BRINP2: variants seen among roughly 807,000 people sequenced by gnomAD.
BRINP2 encodes the protein BMP/retinoic acid inducible neural specific 2, also known as BMP/retinoic acid-inducible neural-specific protein 2.
Under a neutral mutation model 69.2 loss-of-function variants are expected in BRINP2, and 21 were observed. The ratio of observed to expected loss-of-function variants is 0.30; its 90% CI spans 0.22 to 0.44. The LOEUF is 0.44. Among genes scored for constraint, BRINP2 ranks in the 20% least tolerant of loss-of-function variants. The probability of loss-of-function intolerance (pLI) is 1.00; values close to 1 mark genes in which losing one functional copy is unlikely to be tolerated. For synonymous variants in BRINP2, 380 were observed against 394.1 expected, an observed-to-expected ratio of 0.96 and a Z score of 0.42; for missense variants, 877 against 986.0, an observed-to-expected ratio of 0.89 and a Z score of 1.48.
chr1:177,173,398 AAGTGTTTGACAGCTGGGCTGC>A, intron 1 of BRINP2, among the ~76,000 whole-genome samples: 1 of 152,322 alleles, frequency 6.6e-6, no homozygotes, highest in African/African-American at 2.4e-5. Flanking sequence ...GCTGGCGCCA[AAGTGTTTGACAGCTGGGCTGC>A]AGCCATGGAG....
At chr1:177,276,537 TC>T in intron 6 of BRINP2, 103 bp downstream of exon 6, 1 of 1,040,146 alleles carries the variant, frequency 9.6e-7, no homozygotes, top group Non-Finnish European at 1.4e-6. Context: ...CTCATGGGGA[TC>T]CTGACATGAC....
intron 1 of BRINP2, among the ~76,000 whole-genome samples, chr1:177,180,410 C>T (rs1476266509): frequency 6.6e-6 from 1 of 152,090 alleles, no homozygotes; most frequent in Non-Finnish European, 1.5e-5. Context: ...AGCCTCAGTA[C>T]CCCCACCTAG....
intron 4 of BRINP2, among the ~76,000 whole-genome samples, chr1:177,268,572 T>C (rs1356866386): frequency 1.3e-5 from 2 of 152,214 alleles, no homozygotes; most frequent in African/African-American, 2.4e-5. Flanking sequence ...ATTTAATGTA[T>C]TCCTTAAGAC....
intron 1 of BRINP2, among the ~76,000 whole-genome samples, chr1:177,209,761 A>G (rs1649173324): frequency 6.6e-6 from 1 of 152,214 alleles, no homozygotes; most frequent in Non-Finnish European, 1.5e-5. Flanking sequence ...AGATAACAAA[A>G]AAAAAGAAAA....
At position 177,171,059 on chromosome 1, in the gene BRINP2, C is replaced by T. The variant is rs751668874; in HGVS notation, c.-750C>T. 1.3e-5 allele frequency among the ~76,000 whole-genome samples: 2 copies of T among 152,242 alleles called. No individual in the cohort carries two copies. Among genetic ancestry groups the T allele is most frequent in the Admixed American group, 1.3e-4 (2 of 15,288 alleles). ...CAATCCGCCTGCCTCGCAAGCTGCT[C>T]GCCGCTGCGCTGGCAGCGCTTACGC... On this transcript the variant is annotated 5_prime_UTR_variant, in exon 1 of 8. Transcript: ENST00000361539.
chr1:177,177,857 T>A (rs1269396350), intron 1 of BRINP2, among the ~76,000 whole-genome samples: 1 of 152,176 alleles, frequency 6.6e-6, no homozygotes, highest in Non-Finnish European at 1.5e-5. Flanking sequence ...TTAACACTCT[T>A]TCTTACTAAA....
intron 1 of BRINP2, among the ~76,000 whole-genome samples, chr1:177,196,066 C>G (rs1215010144): frequency 6.6e-6 from 1 of 152,182 alleles, no homozygotes; most frequent in Non-Finnish European, 1.5e-5. Context: ...GCTAATTTCT[C>G]TATTTACCCC....
At chr1:177,226,313 A>T (rs1649688745) in intron 1 of BRINP2, among the ~76,000 whole-genome samples, 2 of 152,204 alleles carry the variant, frequency 1.3e-5, no homozygotes, top group Non-Finnish European at 2.9e-5. Context: ...TTTGAAAACC[A>T]CTTATGGTCT....
chr1:177,205,849 AG>A (rs1406288673), intron 1 of BRINP2, among the ~76,000 whole-genome samples: 1 of 152,230 alleles, frequency 6.6e-6, no homozygotes, highest in African/African-American at 2.4e-5. Flanking sequence ...CTAGGCTTCA[AG>A]ATGGCCTTCA....
At chr1:177,254,262 G>T (rs1228169096) in intron 2 of BRINP2, among the ~76,000 whole-genome samples, 2 of 151,934 alleles carry the variant, frequency 1.3e-5, no homozygotes, top group African/African-American at 4.8e-5. Context: ...TGCACTGAAG[G>T]TACAAAATAA....
At chr1:177,246,848 T>C (rs1043863541) in intron 2 of BRINP2, among the ~76,000 whole-genome samples, 3 of 152,238 alleles carry the variant, frequency 2.0e-5, no homozygotes, top group East Asian at 1.9e-4. Context: ...AAGTCTCTAA[T>C]AGCCAAGTAC....
intron 1 of BRINP2, among the ~76,000 whole-genome samples, chr1:177,196,429 C>T (rs1274445167): frequency 1.3e-5 from 2 of 152,036 alleles, no homozygotes; most frequent in African/African-American, 4.8e-5. Flanking sequence ...ACCAGCCTGG[C>T]CAACATGGTG....
chr1:177,196,316 C>A (rs1196113216), intron 1 of BRINP2, among the ~76,000 whole-genome samples: 8 of 152,154 alleles, frequency 5.3e-5, no homozygotes, highest in Non-Finnish European at 1.0e-4. Flanking sequence ...GTCCAGCTAT[C>A]CATGTGGCTT....
chr1:177,279,567 C>A (rs750395247), intron 7 of BRINP2, among the ~76,000 whole-genome samples: 1 of 152,128 alleles, frequency 6.6e-6, no homozygotes, highest in Admixed American at 6.5e-5. Context: ...GCCTTCACGG[C>A]CAGCAACCCA....
chr1:177,188,321 A>G (rs1648490665), intron 1 of BRINP2, among the ~76,000 whole-genome samples: 1 of 152,202 alleles, frequency 6.6e-6, no homozygotes. Flanking sequence ...AAAGCAGACA[A>G]AAAAATAGAA....
At chr1:177,243,276 G>A (rs553031793) in intron 2 of BRINP2, among the ~76,000 whole-genome samples, 1 of 152,190 alleles carries the variant, frequency 6.6e-6, no homozygotes. Flanking sequence ...ATCACTTATA[G>A]TCTACATACT....
rs148656215 is a variant in BRINP2 at position 177,278,737 on chromosome 1, T to A, written c.1187T>A (p.Leu396His). 337 of 1,614,142 alleles carry A rather than the reference T, an allele frequency of 2.1e-4. No individual in the cohort carries two copies. Among genetic ancestry groups the A allele is most frequent in the Non-Finnish European group, 2.8e-4 (327 of 1,180,046 alleles). The change falls in exon 7 of 8, where the codon CTC becomes CAC. Residue 396 changes from leucine to histidine, a missense_variant. Transcript: ENST00000361539. ...THRILRRLFN[L>H]CKRCHRQPRF... ...CGGATCCTACGCCGGCTCTTCAACC[T>A]CTGCAAGCGCTGCCATCGCCAGCCT...
At chr1:177,252,942 C>A (rs1650629140) in intron 2 of BRINP2, among the ~76,000 whole-genome samples, 1 of 151,912 alleles carries the variant, frequency 6.6e-6, no homozygotes, top group Admixed American at 6.6e-5. Context: ...TTGTGTATAT[C>A]ATCAGTTTAT....
chr1:177,190,376 A>G (rs2102296106), intron 1 of BRINP2, among the ~76,000 whole-genome samples: 1 of 152,182 alleles, frequency 6.6e-6, no homozygotes, highest in South Asian at 2.1e-4. Flanking sequence ...AGCAGTCCCT[A>G]TCCCTCAATC....
Sources: gnomAD v4.1 joint callset for allele counts (sites outside exome capture counted in the v4.1 genomes callset) on GRCh38, gnomAD v4.1.1 for gene constraint, MANE v1.5 for transcripts, NCBI Gene and HGNC (gene_info 2026-07-23, HGNC 2026-07-21) for gene names.